SLCO3A1: variants seen among roughly 807,000 people sequenced by gnomAD.
SLCO3A1 encodes solute carrier organic anion transporter family member 3A1, also known as PGE1 transporter.
Under a neutral mutation model 63.1 loss-of-function variants are expected in SLCO3A1, and 27 were observed. The ratio of observed to expected loss-of-function variants is 0.43; its 90% CI spans 0.32 to 0.59. The LOEUF is 0.59. Among genes scored for constraint, SLCO3A1 ranks in the 20% least tolerant of loss-of-function variants. The probability of loss-of-function intolerance (pLI) is 0.09; values close to 1 mark genes in which losing one functional copy is unlikely to be tolerated. For synonymous variants in SLCO3A1, 473 were observed against 409.9 expected, an observed-to-expected ratio of 1.15 and a Z score of -1.86; for missense variants, 773 against 945.8, an observed-to-expected ratio of 0.82 and a Z score of 2.40.
At position 91,900,192 on chromosome 15, in the gene SLCO3A1, A is replaced by G. The variant is rs72750072; in HGVS notation, c.181-15801A>G. ...AATTACTGGGTCATGTGGTAAATTT[A>G]TGCTTAACTTTTTAAGAAGCTGTTC... On this transcript the variant is annotated intron_variant, in intron 1 of 9. Transcript: ENST00000318445. The surrounding 1 kb of genome is among the most constrained non-coding windows in gnomAD (Gnocchi z 4.3). Among the ~76,000 whole-genome samples the G allele has an allele frequency of 0.066, 10,080 of 152,288 alleles. 474 individuals carry two copies. The highest frequency in any genetic ancestry group is 0.1 in the Non-Finnish European group (6,822 of 68,020).
At chr15:92,041,506 A>G (rs1415248703) in intron 2 of SLCO3A1, among the ~76,000 whole-genome samples, 1 of 152,224 alleles carries the variant, frequency 6.6e-6, no homozygotes, top group Non-Finnish European at 1.5e-5. Context: ...TTCAGGGAAC[A>G]GGGAAAGCAA....
chr15:91,952,846 T>G (rs987040548), intron 2 of SLCO3A1, among the ~76,000 whole-genome samples: 5 of 152,164 alleles, frequency 3.3e-5, no homozygotes, highest in African/African-American at 4.8e-5. Context: ...CTCCAAAATC[T>G]AATTCCCATT....
chr15:92,076,517 G>T (rs919255071), intron 2 of SLCO3A1, among the ~76,000 whole-genome samples: 19 of 152,166 alleles, frequency 1.2e-4, no homozygotes, highest in Non-Finnish European at 2.5e-4. Context: ...CTACTCATTT[G>T]CTCCTGCATG....
chr15:92,144,359 G>A (rs1037542018), intron 7 of SLCO3A1, among the ~76,000 whole-genome samples: 3 of 152,214 alleles, frequency 2.0e-5, no homozygotes, highest in Non-Finnish European at 4.4e-5. Context: ...AGGGTGTGGG[G>A]AAGGCCAGTT....
rs192120747 is a variant in SLCO3A1, at chr15:92,165,502, G to C, written c.*2367G>C. The C allele has an allele frequency of 5.2e-4, 512 of 979,228 alleles. 2 individuals are homozygous for C. In the African/African-American group the frequency reaches 8.7e-3, roughly 17 times the overall value. 60.7% of individuals were successfully genotyped at this position (979,228 alleles called of 1,614,324 possible). A position where few individuals can be genotyped will look rare whatever the true frequency, so the allele number is the denominator to read the frequency against. ...TGTTTTATGGAACTATTTGCTTTGAGAGAAAAAAAAAAGAAAGTTTTTTAA... is the reference window on the plus strand; with the variant it reads ...TGTTTTATGGAACTATTTGCTTTGACAGAAAAAAAAAAGAAAGTTTTTTAA... On this transcript the variant is annotated 3_prime_UTR_variant, in exon 10 of 10. Coordinates refer to ENST00000318445, the MANE Select transcript of SLCO3A1 (RefSeq NM_013272.4).
At chr15:92,071,523 T>C (rs927802835) in intron 2 of SLCO3A1, among the ~76,000 whole-genome samples, 6 of 152,190 alleles carry the variant, frequency 3.9e-5, no homozygotes, top group African/African-American at 1.2e-4. Context: ...AATGGAGTCA[T>C]TTGAAGCTAA....
At position 92,120,501 on chromosome 15, in the gene SLCO3A1, C is replaced by T. The variant is rs541815189; in HGVS notation, c.1046C>T (p.Pro349Leu). 1 of 1,614,208 alleles carries T rather than the reference C, an allele frequency of 6.2e-7. No individual in the cohort carries two copies. Among genetic ancestry groups the T allele is most frequent in the South Asian group, 1.1e-5 (1 of 91,088 alleles). ...PKVTKHLLSN[P>L]VFTCIILAAC... ...GTCACCAAGCACCTGCTCTCAAACC[C>T]TGTGTTCACCTGCATCATCCTGGCC... Residue 349 changes from proline (P) to leucine (L), a missense_variant, in exon 5 of 10, where the codon CCT (proline) becomes CTT (leucine). By Grantham distance (98) the Pro-to-Leu change is moderately conservative. Around this residue, in one of 3 missense-constraint regions of SLCO3A1, gnomAD observed 565 missense variants for 749.8 expected, o/e 0.75. Transcript: ENST00000318445.
At chr15:92,156,027 G>T (rs921280035) in intron 9 of SLCO3A1, among the ~76,000 whole-genome samples, 2 of 152,144 alleles carry the variant, frequency 1.3e-5, no homozygotes, top group South Asian at 4.2e-4. Flanking sequence ...TGAGCAGATT[G>T]TCCTTGGTCT....
At chr15:92,127,821 AAG>A (rs2047943562) in intron 6 of SLCO3A1, among the ~76,000 whole-genome samples, 1 of 152,214 alleles carries the variant, frequency 6.6e-6, no homozygotes, top group African/African-American at 2.4e-5. Flanking sequence ...TGTAGTAAGT[AAG>A]CATCATGAGG....
At chr15:91,972,987 G>A (rs1297621320) in intron 2 of SLCO3A1, among the ~76,000 whole-genome samples, 1 of 152,214 alleles carries the variant, frequency 6.6e-6, no homozygotes, top group Non-Finnish European at 1.5e-5. Flanking sequence ...TAAGCATGGT[G>A]GCATGCACTT....
chr15:92,041,207 T>C (rs1308702823), intron 2 of SLCO3A1, among the ~76,000 whole-genome samples: 1 of 152,044 alleles, frequency 6.6e-6, no homozygotes, highest in East Asian at 1.9e-4. Context: ...CTAAGATGAA[T>C]GACAGTGCTT....
At chr15:91,868,519 A>G (rs1315592034) in intron 1 of SLCO3A1, among the ~76,000 whole-genome samples, 1 of 152,186 alleles carries the variant, frequency 6.6e-6, no homozygotes, top group Non-Finnish European at 1.5e-5. Context: ...TTTTGGCGTG[A>G]GTCCTTTAAG....
chr15:92,120,718 C>T, intron 5 of SLCO3A1, 89 bp downstream of exon 5: 1 of 1,108,590 alleles, frequency 9.0e-7, no homozygotes, highest in Non-Finnish European at 1.3e-6. Flanking sequence ...TGCTGAAGAA[C>T]CCCACTCTGC....
At chr15:91,974,997 C>A (rs1366171529) in intron 2 of SLCO3A1, among the ~76,000 whole-genome samples, 2 of 152,138 alleles carry the variant, frequency 1.3e-5, no homozygotes, top group Non-Finnish European at 2.9e-5. Context: ...AACTTAATTT[C>A]TCTGTACTGC....
exon 11 of SLCO3A1, chr15:92,171,942 C>G: frequency 1.9e-6 from 2 of 1,039,532 alleles, no homozygotes; most frequent in Non-Finnish European, 2.9e-6. Context: ...TAGCGCGCTC[C>G]TCCCTGTCCG....
At position 91,863,689 on chromosome 15, in the gene SLCO3A1, T is replaced by C. The variant is rs1020149147; in HGVS notation, c.180+9601T>C. 5.9e-5 allele frequency among the ~76,000 whole-genome samples: 9 copies of C among 152,086 alleles called. No homozygotes were observed. The highest frequency in any genetic ancestry group is 1.9e-4 in the African/African-American group (8 of 41,404). ...CATATTTTTTTGGCCGGAGTGATGA[T>C]TGAGGAGAAGAAACTTAAAGGGAGC... On this transcript the variant is annotated intron_variant, in intron 1 of 9. Transcript: ENST00000318445. The surrounding 1 kb of genome is among the most constrained non-coding windows in gnomAD (Gnocchi z 4.3).
At position 91,907,295 on chromosome 15, in the gene SLCO3A1, A is replaced by G. The variant is rs1277515281; in HGVS notation, c.181-8698A>G. Among the ~76,000 whole-genome samples, 7 of 151,026 alleles carry G rather than the reference A, an allele frequency of 4.6e-5. No individual in the cohort carries two copies. In the East Asian group the frequency reaches 1.2e-3, roughly 25 times the overall value. On this transcript the variant is annotated intron_variant, in intron 1 of 9. Coordinates refer to ENST00000318445, the MANE Select transcript of SLCO3A1 (RefSeq NM_013272.4). ...GATCTCAGCTCACTGCACCTCTGCC[A>G]CTGGGGTTCAAGCAATTCTCCTGCC...
At chr15:92,001,528 G>A (rs941618141) in intron 2 of SLCO3A1, among the ~76,000 whole-genome samples, 1 of 152,148 alleles carries the variant, frequency 6.6e-6, no homozygotes, top group African/African-American at 2.4e-5. Flanking sequence ...GCTGTCACTT[G>A]GAGTGCTTGA....
At chr15:91,887,263 C>T (rs1158474810) in intron 1 of SLCO3A1, among the ~76,000 whole-genome samples, 1 of 152,122 alleles carries the variant, frequency 6.6e-6, no homozygotes, top group Non-Finnish European at 1.5e-5. Context: ...TACCCCTTCC[C>T]CCTTCCTCGG....
Sources: gnomAD v4.1 joint callset for allele counts (sites outside exome capture counted in the v4.1 genomes callset) on GRCh38, gnomAD v4.1.1 for gene constraint, gnomAD v4.1.1 regional missense constraint, Gnocchi (gnomAD v3.1) non-coding constraint, MANE v1.5 for transcripts, NCBI Gene and HGNC (gene_info 2026-07-23, HGNC 2026-07-21) for gene names.